Variants in LNX1 observed in about 807,000 individuals in gnomAD.
The protein encoded by LNX1 is ligand of numb-protein X 1, also known as E3 ubiquitin-protein ligase LNX.
Under a neutral mutation model 68.4 loss-of-function variants are expected in LNX1, and 54 were observed. That is an observed-to-expected ratio of 0.79 (90% confidence interval 0.63 to 0.99). The LOEUF (loss-of-function observed/expected upper bound fraction) is 0.99, where lower values mean the gene tolerates loss of function less well. Ranked by LOEUF, LNX1 falls within the 50% of genes least tolerant of loss-of-function variation. The pLI, the probability that LNX1 is intolerant of heterozygous loss-of-function variation, is 0.00. For missense variants in LNX1, 906 were observed against 926.4 expected (o/e 0.98, Z 0.29); for synonymous variants, 336 against 350.0 (o/e 0.96, Z 0.45).
intron 2 of LNX1, among the ~76,000 whole-genome samples, chr4:53,530,653 A>T (rs368982377): frequency 2.2e-4 from 34 of 152,340 alleles, no homozygotes; most frequent in Non-Finnish European, 4.4e-4. Context: ...GAGTAAAAAA[A>T]GTAGTATTAT....
chr4:53,568,762 C>T (rs993713006), intron 2 of LNX1, among the ~76,000 whole-genome samples: 2 of 151,902 alleles, frequency 1.3e-5, no homozygotes, highest in African/African-American at 4.9e-5. Flanking sequence ...TCTAGAAAAC[C>T]CCATTGTCTC....
chr4:53,562,857 T>C (rs1730381938), intron 2 of LNX1, among the ~76,000 whole-genome samples: 1 of 152,240 alleles, frequency 6.6e-6, no homozygotes, highest in Admixed American at 6.5e-5. Flanking sequence ...AATATATACA[T>C]ATTTTAAAAC....
Position 53,582,152 on chromosome 4 carries a change from C to A in LNX1, c.-86-8064G>T, listed in dbSNP as rs375642795. Among the ~76,000 whole-genome samples, 265 of 152,148 alleles carry A rather than the reference C, an allele frequency of 1.7e-3. 1 individual carries two copies. Among genetic ancestry groups the A allele is most frequent in the African/African-American group, 6.1e-3 (254 of 41,500 alleles). On this transcript the variant is annotated intron_variant, in intron 1 of 10. Transcript: ENST00000263925. The stretch of plus-strand genomic sequence containing the variant: ...TCTGCTACCAACTACTTTTTTGGAT[C>A]TTGATATTTTCCTTTTACCTGACCT...
At position 53,573,764 on chromosome 4, in the gene LNX1, TTGCGGTCCATGGGACAGAAGTCCTTC is replaced by T. The variant is rs1731314640; in HGVS notation, c.213_238del (p.Lys72AlafsTer39). ...CTTGCAGTGCTGCAGAACCAGAGGC[TTGCGGTCCATGGGACAGAAGTCCTTC>T]TCCACCAGGAAGTTGGTGAGGCAGA... On this transcript the variant is annotated frameshift_variant, in exon 2 of 11. Transcript: ENST00000263925. LOFTEE classifies it high-confidence loss of function. 6.2e-7 allele frequency: 1 copy of T among 1,611,848 alleles called. No homozygotes were observed. The highest frequency in any genetic ancestry group is 1.7e-5 in the Admixed American group (1 of 59,672).
intron 9 of LNX1, among the ~76,000 whole-genome samples, chr4:53,472,663 T>TCAA (rs199893471): frequency 6.0e-4 from 76 of 126,510 alleles, no homozygotes; most frequent in African/African-American, 2.1e-3. Context: ...AATGATTTAT[T>TCAA]CAACAACAAC....
rs1903827 is a variant in LNX1, at chr4:53,634,600, C to T, written c.-215+17568G>A. Among the ~76,000 whole-genome samples the T allele has an allele frequency of 2.6e-5, 4 of 152,038 alleles. No homozygotes were observed. In the South Asian group the frequency reaches 8.3e-4, roughly 32 times the overall value. On this transcript the variant is annotated intron_variant, in intron 1 of 2. Transcript: ENST00000507168. The stretch of plus-strand genomic sequence containing the variant: ...GAGTACTCCCTTTCCTCTGGGAGTA[C>T]CATCTCTACTGGTGGAGCTACAATC...
chr4:53,462,773 C>A (rs953239833), intron 9 of LNX1, among the ~76,000 whole-genome samples: 1 of 152,132 alleles, frequency 6.6e-6, no homozygotes, highest in Non-Finnish European at 1.5e-5. Flanking sequence ...ATAACAATTT[C>A]TTTTACTGAA....
At chr4:53,563,175 G>A (rs1357362625) in intron 2 of LNX1, among the ~76,000 whole-genome samples, 3 of 152,104 alleles carry the variant, frequency 2.0e-5, no homozygotes, top group Non-Finnish European at 2.9e-5. Context: ...CAGCCTGGGC[G>A]ACAGAGTGAG....
chr4:53,585,066 C>T (rs1179636455), intron 1 of LNX1, among the ~76,000 whole-genome samples: 3 of 152,138 alleles, frequency 2.0e-5, no homozygotes, highest in Admixed American at 1.3e-4. Flanking sequence ...TTGTTAAGGT[C>T]CCTTTGAAAA....
At chr4:53,596,008 T>C (rs1169962041), upstream of LNX1, among the ~76,000 whole-genome samples, 1 of 152,202 alleles carries the variant, frequency 6.6e-6, no homozygotes, top group Non-Finnish European at 1.5e-5. Flanking sequence ...GTATTTAACA[T>C]TATGATTTGG....
intron 1 of LNX1, among the ~76,000 whole-genome samples, chr4:53,643,791 G>A (rs1038899212): frequency 6.6e-6 from 1 of 152,098 alleles, no homozygotes; most frequent in South Asian, 2.1e-4. Context: ...ATAACAATAG[G>A]ACTTTTCAGA....
intron 2 of LNX1, among the ~76,000 whole-genome samples, chr4:53,533,049 T>G (rs761296679): frequency 6.6e-6 from 1 of 152,222 alleles, no homozygotes; most frequent in Non-Finnish European, 1.5e-5. Flanking sequence ...TAAGCACATA[T>G]GCTCCCTAGG....
intron 1 of LNX1, among the ~76,000 whole-genome samples, chr4:53,580,326 G>A (rs1046296970): frequency 6.6e-5 from 10 of 152,060 alleles, no homozygotes; most frequent in Non-Finnish European, 1.5e-4. Context: ...GAGTAGCCTC[G>A]GGTTCAGTCA....
At chr4:53,564,469 C>T (rs992914106) in intron 2 of LNX1, among the ~76,000 whole-genome samples, 15 of 152,132 alleles carry the variant, frequency 9.9e-5, no homozygotes, top group African/African-American at 3.6e-4. Flanking sequence ...TCACTTTCTC[C>T]CCAGAGGATG....
At chr4:53,462,642 C>T (rs910090129) in intron 9 of LNX1, among the ~76,000 whole-genome samples, 7 of 152,068 alleles carry the variant, frequency 4.6e-5, no homozygotes, top group African/African-American at 1.4e-4. Context: ...TGACTTTTTT[C>T]ATGATGATGT....
At position 53,591,477 on chromosome 4, in the gene LNX1, C is replaced by T; in HGVS notation, c.-176G>A. On this transcript the variant is annotated 5_prime_UTR_variant, in exon 1 of 11. Coordinates refer to ENST00000263925, the MANE Select transcript of LNX1 (RefSeq NM_001126328.3). ...GTGAACCGAGCAGCTCCTTGGGCCG[C>T]CGGAGTTGTGACCAGCCTCAACTTC... 2 of 985,614 alleles carry T rather than the reference C, an allele frequency of 2.0e-6. No homozygotes were observed. Among genetic ancestry groups the T allele is most frequent in the African/African-American group, 3.5e-5 (2 of 57,316 alleles). The allele number at this position is 985,614 out of a possible 1,614,324, so 61.1% of individuals were successfully genotyped here.
intron 1 of LNX1, among the ~76,000 whole-genome samples, chr4:53,638,652 T>A (rs144922620): frequency 0.011 from 1,729 of 152,312 alleles, 25 homozygotes; most frequent in African/African-American, 0.036. Context: ...CGAAGCATAA[T>A]GCTGAAGTGC....
chr4:53,575,384 A>G (rs1206589954), intron 1 of LNX1: 10 of 452,534 alleles, frequency 2.2e-5, no homozygotes, highest in Non-Finnish European at 2.9e-5. Flanking sequence ...CTTGCTTTGC[A>G]TCTAGGAAGT....
At chr4:53,498,602 T>C in intron 5 of LNX1, 39 bp downstream of exon 5, 1 of 1,507,706 alleles carries the variant, frequency 6.6e-7, no homozygotes, top group Non-Finnish European at 9.2e-7. Context: ...TTTTTTTATA[T>C]CAAGCCCCTT....
Sources: allele counts gnomAD v4.1 joint callset (sites outside exome capture counted in the v4.1 genomes callset), GRCh38; gene constraint gnomAD v4.1.1; transcripts MANE v1.5; gene names NCBI Gene and HGNC (gene_info 2026-07-23, HGNC 2026-07-21).